The following BLTP3B variants were observed in gnomAD, a reference collection of about 807,000 sequenced individuals.
The protein encoded by BLTP3B is bridge-like lipid transfer protein family member 3B.
chr12:100,139,387 G>A, the BLTP3B span, among the ~76,000 whole-genome samples: 3 of 152,210 alleles, frequency 2.0e-5, no homozygotes, highest in East Asian at 5.8e-4. Flanking sequence ...TCAACCTCAA[G>A]GCTAAAAATG....
At chr12:100,063,702 T>A in the BLTP3B span, among the ~76,000 whole-genome samples, 1 of 122,162 alleles carries the variant, frequency 8.2e-6, no homozygotes, top group Admixed American at 8.7e-5. Context: ...GTGAACTCCG[T>A]CTCAAAAAAA....
At chr12:100,073,693 C>A in the BLTP3B span, among the ~76,000 whole-genome samples, 1 of 152,072 alleles carries the variant, frequency 6.6e-6, no homozygotes, top group Non-Finnish European at 1.5e-5. Flanking sequence ...CGCTCGAATT[C>A]ATTTTCCAAA....
chr12:100,096,239 G>T, the BLTP3B span, among the ~76,000 whole-genome samples: 2 of 151,068 alleles, frequency 1.3e-5, no homozygotes, highest in African/African-American at 4.9e-5. Flanking sequence ...GGGTGACAGA[G>T]AGAAACTCTG....
chr12:100,133,585 T>C, the BLTP3B span, among the ~76,000 whole-genome samples: 2 of 152,196 alleles, frequency 1.3e-5, no homozygotes, highest in African/African-American at 4.8e-5. Flanking sequence ...ACTGGATCAG[T>C]GACTTTACCA....
the BLTP3B span, chr12:100,047,951 T>C: frequency 5.4e-6 from 8 of 1,482,452 alleles, no homozygotes; most frequent in African/African-American, 1.1e-4. Flanking sequence ...ACTTTTAAAT[T>C]TATTTTCGTG....
chr12:100,072,245 G>C, the BLTP3B span, among the ~76,000 whole-genome samples: 1 of 151,758 alleles, frequency 6.6e-6, no homozygotes, highest in East Asian at 1.9e-4. Context: ...CTGGGCAACA[G>C]AGCGAGACTC....
the BLTP3B span, among the ~76,000 whole-genome samples, chr12:100,104,127 C>G: frequency 6.6e-6 from 1 of 151,912 alleles, no homozygotes; most frequent in African/African-American, 2.4e-5. Context: ...ACCAGATGTA[C>G]CCATTTTATT....
the BLTP3B span, among the ~76,000 whole-genome samples, chr12:100,063,845 GA>G: frequency 6.6e-6 from 1 of 151,758 alleles, no homozygotes; most frequent in African/African-American, 2.4e-5. Context: ...GAAAGAACCA[GA>G]AAAACAACTC....
the BLTP3B span, chr12:100,089,193 CCATAGTACAT>C: frequency 1.9e-5 from 19 of 986,156 alleles, no homozygotes; most frequent in Non-Finnish European, 2.7e-5. Context: ...TGAAAAATAA[CCATAGTACAT>C]CTTATTTTTC....
At chr12:100,111,375 C>T in the BLTP3B span, among the ~76,000 whole-genome samples, 1 of 142,930 alleles carries the variant, frequency 7.0e-6, no homozygotes, top group Non-Finnish European at 1.5e-5. Context: ...CTCATTTCAA[C>T]CACGACCGCC....
At chr12:100,098,270 A>G in the BLTP3B span, 1 of 1,423,170 alleles carries the variant, frequency 7.0e-7, no homozygotes, top group Admixed American at 2.4e-5. Flanking sequence ...TTAAAAGGCA[A>G]CCATGAGATG....
chr12:100,081,428 C>T, the BLTP3B span, among the ~76,000 whole-genome samples: 1 of 152,078 alleles, frequency 6.6e-6, no homozygotes, highest in Non-Finnish European at 1.5e-5. Context: ...CCAACTTTTG[C>T]TTTAGTTCAG....
the BLTP3B span, chr12:100,058,485 T>C: frequency 1.2e-6 from 2 of 1,613,354 alleles, no homozygotes; most frequent in South Asian, 2.2e-5. Flanking sequence ...CATAGATCTG[T>C]TGTCTGACAT....
the BLTP3B span, chr12:100,051,309 T>A: frequency 1.4e-5 from 16 of 1,164,938 alleles, no homozygotes; most frequent in East Asian, 1.1e-4. Context: ...AAATGGACTA[T>A]CCCTTCAACT....
chr12:100,040,629 T>TGA, the BLTP3B span, among the ~76,000 whole-genome samples: 1 of 152,154 alleles, frequency 6.6e-6, no homozygotes, highest in African/African-American at 2.4e-5. Flanking sequence ...GAGGTTGCAG[T>TGA]GAGCTGAGAT....
the BLTP3B span, among the ~76,000 whole-genome samples, chr12:100,134,281 A>G: frequency 3.0e-4 from 46 of 152,324 alleles, no homozygotes; most frequent in African/African-American, 9.1e-4. Flanking sequence ...ATTAGATCAC[A>G]AATAAAAGAG....
At chr12:100,082,232 C>A in the BLTP3B span, among the ~76,000 whole-genome samples, 1 of 152,142 alleles carries the variant, frequency 6.6e-6, no homozygotes, top group Non-Finnish European at 1.5e-5. Context: ...GTGTTCATGT[C>A]CTTTGCCCAC....
the BLTP3B span, among the ~76,000 whole-genome samples, chr12:100,091,784 C>A: frequency 6.6e-6 from 1 of 150,624 alleles, no homozygotes; most frequent in Non-Finnish European, 1.5e-5. Context: ...GGATTACAGG[C>A]GTGAGCCACC....
the BLTP3B span, chr12:100,142,634 A>G: frequency 1.2e-6 from 2 of 1,608,418 alleles, no homozygotes; most frequent in South Asian, 2.2e-5. Flanking sequence ...GATCCCGGCC[A>G]TGGTACCGAG....
Sources: allele counts gnomAD v4.1 joint callset (sites outside exome capture counted in the v4.1 genomes callset), GRCh38; gene constraint gnomAD v4.1.1; transcripts MANE v1.5; gene names NCBI Gene and HGNC (gene_info 2026-07-23, HGNC 2026-07-21).